Variants in RNGTT observed in about 807,000 individuals in gnomAD.
RNGTT encodes mRNA-capping enzyme.
RNGTT carries 33 observed loss-of-function variants against 79.3 expected under a neutral mutation model. That is an observed-to-expected ratio of 0.42 (90% confidence interval 0.32 to 0.56). The LOEUF is 0.56. Among genes scored for constraint, RNGTT ranks in the 20% least tolerant of loss-of-function variants. The pLI, the probability that RNGTT is intolerant of heterozygous loss-of-function variation, is 0.17. For synonymous variants in RNGTT, 222 were observed against 235.9 expected (o/e 0.94, Z 0.54); for missense variants, 497 against 739.1 (o/e 0.67, Z 3.80).
Position 88,643,806 on chromosome 6 carries a change from C to A in RNGTT, c.1507-29411G>T, listed in dbSNP as rs146426151. On this transcript the variant is annotated intron_variant, in intron 14 of 15. Coordinates refer to ENST00000369485, the MANE Select transcript of RNGTT (RefSeq NM_003800.5). ...ATAAAGATGTTCTTTGAAACCAACGCGAACAAAGACACAACATACCAGAAT... is the reference window on the plus strand; with the variant it reads ...ATAAAGATGTTCTTTGAAACCAACGAGAACAAAGACACAACATACCAGAAT... 9.1e-3 allele frequency among the ~76,000 whole-genome samples: 1,391 copies of A among 152,108 alleles called. 51 individuals are homozygous for A. In the East Asian group the frequency reaches 0.12, roughly 13 times the overall value.
chr6:88,768,039 A>C (rs1778523582), intron 13 of RNGTT, among the ~76,000 whole-genome samples: 1 of 152,168 alleles, frequency 6.6e-6, no homozygotes, highest in Non-Finnish European at 1.5e-5. Context: ...AATCAGACTC[A>C]TATAGAGCTC....
intron 13 of RNGTT, among the ~76,000 whole-genome samples, chr6:88,724,169 G>T (rs1285433290): frequency 1.3e-5 from 2 of 152,076 alleles, no homozygotes; most frequent in Non-Finnish European, 2.9e-5. Flanking sequence ...TAGTGTAGCC[G>T]AAGTGTGCTG....
chr6:88,714,177 G>A (rs1033123924), intron 13 of RNGTT: 7 of 152,168 alleles, frequency 4.6e-5, no homozygotes, highest in Non-Finnish European at 7.4e-5. Context: ...AAAAGAAAGT[G>A]ATGAAAGTGT....
chr6:88,918,535 C>CT (rs973418993), intron 4 of RNGTT, among the ~76,000 whole-genome samples: 2 of 151,738 alleles, frequency 1.3e-5, no homozygotes, highest in Admixed American at 1.3e-4. Context: ...GGACAAGAAC[C>CT]TAGTTAAACC....
At chr6:88,952,889 G>C (rs1174395261) in intron 1 of RNGTT, among the ~76,000 whole-genome samples, 2 of 152,148 alleles carry the variant, frequency 1.3e-5, no homozygotes, top group Admixed American at 1.3e-4. Flanking sequence ...CCAGCTCTCA[G>C]GAAGCCCCAA....
At chr6:88,739,469 A>T (rs1444196150) in intron 13 of RNGTT, among the ~76,000 whole-genome samples, 1 of 152,044 alleles carries the variant, frequency 6.6e-6, no homozygotes, top group East Asian at 1.9e-4. Context: ...ACAGAAAAAC[A>T]TCACTGGAAT....
intron 14 of RNGTT, among the ~76,000 whole-genome samples, chr6:88,646,976 C>A (rs2127775750): frequency 6.6e-6 from 1 of 152,226 alleles, no homozygotes; most frequent in African/African-American, 2.4e-5. Context: ...ACATATGTAA[C>A]AAACCTGCAC....
chr6:88,919,444 G>A (rs1180363450), intron 4 of RNGTT, among the ~76,000 whole-genome samples: 1 of 152,094 alleles, frequency 6.6e-6, no homozygotes, highest in Non-Finnish European at 1.5e-5. Context: ...TAAAGGGGCT[G>A]GTGACAATGT....
intron 13 of RNGTT, among the ~76,000 whole-genome samples, chr6:88,748,966 A>G (rs2127829270): frequency 6.6e-6 from 1 of 152,222 alleles, no homozygotes; most frequent in South Asian, 2.1e-4. Context: ...CAAAGAAAAG[A>G]AAGGTTACCT....
At chr6:88,780,674 A>G (rs1779033833) in intron 12 of RNGTT, among the ~76,000 whole-genome samples, 1 of 152,212 alleles carries the variant, frequency 6.6e-6, no homozygotes, top group African/African-American at 2.4e-5. Flanking sequence ...CGTAATTACC[A>G]ATATAACCCA....
intron 14 of RNGTT, among the ~76,000 whole-genome samples, chr6:88,643,787 A>G (rs1310103612): frequency 6.6e-6 from 1 of 152,214 alleles, no homozygotes; most frequent in Admixed American, 6.5e-5. Context: ...AGAAATAAAG[A>G]TGTTCTTTGA....
intron 6 of RNGTT, among the ~76,000 whole-genome samples, chr6:88,899,988 CTTAA>C (rs1783391416): frequency 6.6e-6 from 1 of 152,068 alleles, no homozygotes; most frequent in Non-Finnish European, 1.5e-5. Flanking sequence ...CAGCTCAATC[CTTAA>C]TTAAGATATT....
intron 8 of RNGTT, among the ~76,000 whole-genome samples, chr6:88,872,128 T>G (rs979809179): frequency 1.3e-5 from 2 of 152,216 alleles, no homozygotes; most frequent in African/African-American, 4.8e-5. Context: ...TGTAAGCCAC[T>G]TCTTTTATGT....
intron 11 of RNGTT, among the ~76,000 whole-genome samples, chr6:88,803,229 C>A (rs1779843305): frequency 6.6e-6 from 1 of 151,952 alleles, no homozygotes; most frequent in South Asian, 2.1e-4. Context: ...GAAATTAGAT[C>A]AGTAATTGCC....
chr6:88,883,302 G>A (rs1410984161), intron 8 of RNGTT, among the ~76,000 whole-genome samples: 3 of 151,856 alleles, frequency 2.0e-5, no homozygotes, highest in Non-Finnish European at 4.4e-5. Context: ...ATCAGAATTA[G>A]AGATACTAGG....
intron 13 of RNGTT, chr6:88,714,422 T>C (rs1387487828): frequency 6.6e-6 from 1 of 151,744 alleles, no homozygotes; most frequent in Non-Finnish European, 1.5e-5. Context: ...GAAGAGTGAC[T>C]CAAGCTGAAA....
intron 11 of RNGTT, among the ~76,000 whole-genome samples, chr6:88,820,229 T>C (rs1241621988): frequency 6.6e-6 from 1 of 151,954 alleles, no homozygotes; most frequent in African/African-American, 2.4e-5. Flanking sequence ...ATGATGATGA[T>C]GGATGACTTA....
chr6:88,840,443 C>G (rs1266018553), intron 11 of RNGTT, among the ~76,000 whole-genome samples: 1 of 152,214 alleles, frequency 6.6e-6, no homozygotes, highest in Non-Finnish European at 1.5e-5. Context: ...GCCACCCAGG[C>G]TGAAGTACAG....
chr6:88,781,572 C>A (rs541265866), intron 12 of RNGTT, among the ~76,000 whole-genome samples: 3 of 151,096 alleles, frequency 2.0e-5, no homozygotes, highest in South Asian at 4.1e-4. Context: ...TTCACTGTTA[C>A]ACATTATACA....
Sources: gnomAD v4.1 joint callset for allele counts (sites outside exome capture counted in the v4.1 genomes callset) on GRCh38, gnomAD v4.1.1 for gene constraint, MANE v1.5 for transcripts, NCBI Gene and HGNC (gene_info 2026-07-23, HGNC 2026-07-21) for gene names.